The following DDC variants were observed in gnomAD, a reference collection of about 807,000 sequenced individuals.
DDC encodes the protein aromatic-L-amino-acid decarboxylase.
DDC carries 43 observed loss-of-function variants against 60.0 expected under a neutral mutation model. That is an observed-to-expected ratio of 0.72 (90% CI 0.56 to 0.92). The LOEUF (loss-of-function observed/expected upper bound fraction) is 0.92. DDC is among the 40% of genes least tolerant of loss of function. DDC has a pLI of 0.00. For synonymous variants in DDC, 232 were observed against 234.6 expected (o/e 0.99, Z 0.10); for missense variants, 573 against 620.2 (o/e 0.92, Z 0.81).
At chr7:50,547,703 T>TCA in intron 1 of DDC, among the ~76,000 whole-genome samples, 1 of 152,120 alleles carries the variant, frequency 6.6e-6, no homozygotes, top group East Asian at 1.9e-4. Context: ...GGACTGCGAG[T>TCA]CACACCCTGA....
intron 6 of DDC, among the ~76,000 whole-genome samples, chr7:50,518,721 C>T (rs996842120): frequency 5.9e-5 from 9 of 152,188 alleles, no homozygotes; most frequent in African/African-American, 1.9e-4. Flanking sequence ...CATCTCTCAC[C>T]TTATACAAAA....
chr7:50,511,274 G>C (rs4377912), intron 6 of DDC, among the ~76,000 whole-genome samples: 1,921 of 151,164 alleles, frequency 0.013, 43 homozygotes, highest in African/African-American at 0.042. Flanking sequence ...GAAAGATAGA[G>C]ATATAATAGA....
At chr7:50,463,909 G>A (rs1248666755) in intron 13 of DDC, among the ~76,000 whole-genome samples, 1 of 152,136 alleles carries the variant, frequency 6.6e-6, no homozygotes, top group Non-Finnish European at 1.5e-5. Flanking sequence ...GCAACCACTG[G>A]TGCCTCTCCA....
At chr7:50,503,866 C>T (rs112475954) in intron 7 of DDC, 127 bp downstream of exon 7, 88 of 777,148 alleles carry the variant, frequency 1.1e-4, no homozygotes, top group African/African-American at 3.6e-4. Context: ...ATTGCAAATA[C>T]GAGAAGAGCT....
At chr7:50,492,669 T>A in intron 9 of DDC, 1 of 1,302,170 alleles carries the variant, frequency 7.7e-7, no homozygotes, top group Non-Finnish European at 9.9e-7. Flanking sequence ...TACGTTTAAT[T>A]CCTTCTACAA....
chr7:50,562,719 ATG>A (rs2045368398), intron 1 of DDC, among the ~76,000 whole-genome samples: 1 of 152,212 alleles, frequency 6.6e-6, no homozygotes, highest in Admixed American at 6.5e-5. Context: ...TGCTCCCTGG[ATG>A]TGTGCCCTTC....
At chr7:50,555,214 C>T (rs578062945) in intron 1 of DDC, among the ~76,000 whole-genome samples, 20 of 151,302 alleles carry the variant, frequency 1.3e-4, no homozygotes, top group Non-Finnish European at 2.5e-4. Flanking sequence ...CTAAACCTCC[C>T]ATTGGCAGAA....
At chr7:50,462,379 T>G (rs561899484) in intron 14 of DDC, among the ~76,000 whole-genome samples, 1 of 152,332 alleles carries the variant, frequency 6.6e-6, no homozygotes, top group South Asian at 2.1e-4. Context: ...TTGCCAACAC[T>G]GCATTTATTT....
At chr7:50,494,236 C>G (rs184538276) in intron 9 of DDC, among the ~76,000 whole-genome samples, 115 of 152,232 alleles carry the variant, frequency 7.6e-4, no homozygotes, top group African/African-American at 2.8e-3. Context: ...GGCCAGGCAC[C>G]GTGGCTTACG....
At chr7:50,517,836 A>C (rs543982587) in intron 6 of DDC, among the ~76,000 whole-genome samples, 5 of 151,624 alleles carry the variant, frequency 3.3e-5, no homozygotes, top group East Asian at 3.9e-4. Context: ...AAAAAAAAAA[A>C]AAAAAAAAAA....
chr7:50,523,235 G>A (rs1032547111), intron 6 of DDC, among the ~76,000 whole-genome samples: 5 of 152,030 alleles, frequency 3.3e-5, no homozygotes, highest in East Asian at 1.9e-4. Context: ...GATAATATAG[G>A]AGAAAACCTA....
At chr7:50,555,292 G>C (rs1267036158) in intron 1 of DDC, among the ~76,000 whole-genome samples, 1 of 152,158 alleles carries the variant, frequency 6.6e-6, no homozygotes, top group South Asian at 2.1e-4. Flanking sequence ...GTCAGTGGGG[G>C]AGACAAGAGA....
chr7:50,460,271 G>A (rs191826286), intron 14 of DDC, among the ~76,000 whole-genome samples: 8,806 of 138,648 alleles, frequency 0.064, 449 homozygotes, highest in Middle Eastern at 0.1. Flanking sequence ...CGCCCCGTCC[G>A]GGAGGTGAGG....
chr7:50,461,381 A>G (rs2242038), intron 14 of DDC, among the ~76,000 whole-genome samples: 2,697 of 152,138 alleles, frequency 0.018, 83 homozygotes, highest in African/African-American at 0.061. Flanking sequence ...TAAGATTTTT[A>G]TTGTTCTAAT....
intron 1 of DDC, among the ~76,000 whole-genome samples, chr7:50,551,909 T>C (rs1179005431): frequency 6.6e-6 from 1 of 152,090 alleles, no homozygotes; most frequent in Non-Finnish European, 1.5e-5. Context: ...GGGCCACACA[T>C]GTGAGGCAGC....
At chr7:50,466,493 G>GAAAAAAAAAAA in intron 13 of DDC, among the ~76,000 whole-genome samples, 1 of 64,062 alleles carries the variant, frequency 1.6e-5, no homozygotes, top group Non-Finnish European at 3.5e-5. Flanking sequence ...TCTCCAAAAA[G>GAAAAAAAAAAA]AAAAAAAAAA....
At chr7:50,480,105 T>G in intron 9 of DDC, 156 of 501,680 alleles carry the variant, frequency 3.1e-4, no homozygotes, top group East Asian at 8.0e-4. Flanking sequence ...TGAGATCTCC[T>G]AGTGATAAGG....
intron 10 of DDC, among the ~76,000 whole-genome samples, chr7:50,478,428 C>T (rs1014377116): frequency 4.6e-5 from 7 of 152,182 alleles, no homozygotes; most frequent in East Asian, 3.8e-4. Context: ...TAGCCACATG[C>T]GGACTGGTGG....
At chr7:50,525,625 G>A (rs1231423963) in intron 6 of DDC, among the ~76,000 whole-genome samples, 3 of 151,942 alleles carry the variant, frequency 2.0e-5, no homozygotes, top group Non-Finnish European at 4.4e-5. Flanking sequence ...TTAGCCAGGC[G>A]TGGTGGTACA....
Sources: allele counts gnomAD v4.1 joint callset (sites outside exome capture counted in the v4.1 genomes callset), GRCh38; gene constraint gnomAD v4.1.1; transcripts MANE v1.5; gene names NCBI Gene and HGNC (gene_info 2026-07-23, HGNC 2026-07-21).